The following STX7 variants were observed in gnomAD, a reference collection of about 807,000 sequenced individuals.
The protein encoded by STX7 is syntaxin 7.
Under a neutral mutation model 39.6 loss-of-function variants are expected in STX7, and 34 were observed. The observed-to-expected ratio is 0.86, with a 90% CI of 0.65 to 1.14. The LOEUF is 1.14. Ranked by LOEUF, STX7 falls within the 50% of genes most tolerant of loss-of-function variation. STX7 has a pLI of 0.00. For missense variants in STX7, 284 were observed against 310.4 expected (o/e 0.92, Z 0.64); for synonymous variants, 119 against 99.1 (o/e 1.20, Z -1.19).
At position 132,460,720 on chromosome 6, in the gene STX7, T is replaced by G. The variant is rs749549529; in HGVS notation, c.*38A>C. 1 of 1,400,656 alleles carries G rather than the reference T, an allele frequency of 7.1e-7. No individual in the cohort carries two copies. Among genetic ancestry groups the G allele is most frequent in the Non-Finnish European group, 1.0e-6 (1 of 1,001,776 alleles). The allele number at this position is 1,400,656 out of a possible 1,614,324, so 86.8% of individuals were successfully genotyped here. The stretch of plus-strand genomic sequence containing the variant: ...GATTACAGGAATCTTCCTACATAAT[T>G]TAGACAATGTAGTGCGACAGTGTGC... On this transcript the variant is annotated 3_prime_UTR_variant, in exon 10 of 10. Coordinates refer to ENST00000367941, the MANE Select transcript of STX7 (RefSeq NM_003569.3).
At chr6:132,479,925 T>C (rs893035922) in intron 2 of STX7, among the ~76,000 whole-genome samples, 3 of 152,198 alleles carry the variant, frequency 2.0e-5, no homozygotes, top group South Asian at 2.1e-4. Flanking sequence ...AAATAAAAAG[T>C]AAACTAGTGA....
chr6:132,460,164 CAGAA>C lies in STX7; in HGVS notation c.*590_*593del, dbSNP rs1278812569. On this transcript the variant is annotated 3_prime_UTR_variant, in exon 10 of 10. Transcript: ENST00000367941. The stretch of plus-strand genomic sequence containing the variant: ...CTACAGCAAAAGCTTAATATATACA[CAGAA>C]AGAGTATCAAATAAACTAGAAAAGT... 1 of 152,100 alleles carries C rather than the reference CAGAA, an allele frequency of 6.6e-6. No homozygotes were observed. The highest frequency in any genetic ancestry group is 1.9e-4 in the East Asian group (1 of 5,190). 9.4% of individuals were successfully genotyped at this position (152,100 alleles called of 1,614,324 possible). A position where few individuals can be genotyped will look rare whatever the true frequency, so the allele number is the denominator to read the frequency against.
chr6:132,477,859 A>G (rs1444734754), intron 2 of STX7, among the ~76,000 whole-genome samples: 1 of 152,228 alleles, frequency 6.6e-6, no homozygotes, highest in Non-Finnish European at 1.5e-5. Context: ...ACAGAACAAC[A>G]GCCCAGTAAA....
At chr6:132,507,415 AT>A (rs1437144076) in intron 1 of STX7, among the ~76,000 whole-genome samples, 2 of 152,188 alleles carry the variant, frequency 1.3e-5, no homozygotes, top group African/African-American at 4.8e-5. Flanking sequence ...CTTTTAGAAC[AT>A]TTCTATTACG....
At chr6:132,463,689 G>C (rs1330696227) in intron 9 of STX7, among the ~76,000 whole-genome samples, 2 of 152,124 alleles carry the variant, frequency 1.3e-5, no homozygotes, top group Non-Finnish European at 2.9e-5. Flanking sequence ...TTTCTGGGTA[G>C]AAATGTCACA....
Position 132,494,494 on chromosome 6 carries a change from C to T in STX7, c.85+8952G>A, listed in dbSNP as rs73551852. Among the ~76,000 whole-genome samples the T allele has an allele frequency of 8.9e-3, 1,356 of 152,194 alleles. 19 individuals are homozygous for T. Among genetic ancestry groups the T allele is most frequent in the African/African-American group, 0.031 (1,267 of 41,530 alleles). The stretch of plus-strand genomic sequence containing the variant: ...AAGCAAAATGATAAGGCAGGGAAGA[C>T]ATTGCTAAACAAGTGAGCTTTGGGC... On this transcript the variant is annotated intron_variant, in intron 2 of 9. Coordinates refer to ENST00000367941, the MANE Select transcript of STX7 (RefSeq NM_003569.3).
intron 4 of STX7, 142 bp from the exon 5 acceptor site, chr6:132,471,742 T>TA: frequency 3.3e-6 from 3 of 907,666 alleles, no homozygotes; most frequent in Non-Finnish European, 4.9e-6. Flanking sequence ...TCAGTAACAT[T>TA]CTGATAGTAT....
chr6:132,467,764 T>G (rs576095676), intron 8 of STX7, among the ~76,000 whole-genome samples: 1 of 152,330 alleles, frequency 6.6e-6, no homozygotes, highest in African/African-American at 2.4e-5. Context: ...AAAGCATCTT[T>G]AGACATACCA....
In STX7 at chr6:132,458,185, A is replaced by G. The variant is rs1774294840; in HGVS notation, c.*2573T>C. On this transcript the variant is annotated 3_prime_UTR_variant, in exon 10 of 10. Coordinates refer to ENST00000367941, the MANE Select transcript of STX7 (RefSeq NM_003569.3). Reference sequence around the variant, plus strand: ...GAAGACACTAAATAACCCAGTGGCGACCTCTTCAAAGTGCAGTGTCCTTGG... The same window carrying G: ...GAAGACACTAAATAACCCAGTGGCGGCCTCTTCAAAGTGCAGTGTCCTTGG... 6.6e-6 allele frequency: 1 copy of G among 152,156 alleles called. No homozygotes were observed. The highest frequency in any genetic ancestry group is 1.5e-5 in the Non-Finnish European group (1 of 68,034). 9.4% of individuals were successfully genotyped at this position (152,156 alleles called of 1,614,324 possible).
In STX7 at chr6:132,498,064, G is replaced by GCC. The variant is rs142744317; in HGVS notation, c.85+5380_85+5381dup. 8.2e-3 allele frequency among the ~76,000 whole-genome samples: 1,247 copies of GCC among 152,308 alleles called. 17 individuals carry two copies. The highest frequency in any genetic ancestry group is 0.029 in the African/African-American group (1,198 of 41,578). On this transcript the variant is annotated intron_variant, in intron 2 of 9. Transcript: ENST00000367941. Reference sequence around the variant, plus strand: ...GCCAGCAACAGAGAATACTGTCTATGCCATGGGTAAAAGATGGAGCATGGG... The same window carrying GCC: ...GCCAGCAACAGAGAATACTGTCTATGCCCCATGGGTAAAAGATGGAGCATGGG...
chr6:132,503,344 C>G, intron 2 of STX7, 102 bp downstream of exon 2: 2 of 935,552 alleles, frequency 2.1e-6, no homozygotes, highest in Non-Finnish European at 3.4e-6. Flanking sequence ...TAGAGGAATG[C>G]TCCTCCCTCT....
rs532056141 is a variant in STX7 at position 132,501,030 on chromosome 6, A to G, written c.85+2416T>C. On this transcript the variant is annotated intron_variant, in intron 2 of 9. Coordinates refer to ENST00000367941, the MANE Select transcript of STX7 (RefSeq NM_003569.3). ...GTGATTCAAACATCTGCAGATGGTG[A>G]CTGTACCTTCACCTGCATGAACAGT... 5.3e-5 allele frequency among the ~76,000 whole-genome samples: 8 copies of G among 150,872 alleles called. No individual in the cohort carries two copies. The East Asian group carries it at 1.6e-3, about 29-fold the overall frequency.
intron 3 of STX7, among the ~76,000 whole-genome samples, chr6:132,473,307 G>C (rs1168208311): frequency 6.6e-6 from 1 of 152,152 alleles, no homozygotes. Flanking sequence ...CTCAGTATCT[G>C]CAGATTGGTT....
chr6:132,503,645 C>T (rs989273486), intron 1 of STX7, 57 bp from the exon 2 acceptor site: 3 of 717,782 alleles, frequency 4.2e-6, no homozygotes, highest in African/African-American at 3.6e-5. Flanking sequence ...TTACATTTTC[C>T]AAATTAACAA....
chr6:132,483,284 C>T (rs182131257), intron 2 of STX7, among the ~76,000 whole-genome samples: 9 of 152,228 alleles, frequency 5.9e-5, no homozygotes, highest in Admixed American at 1.3e-4. Context: ...CTTACAATAC[C>T]TAATATATAA....
At chr6:132,487,929 T>C (rs1185815605) in intron 2 of STX7, among the ~76,000 whole-genome samples, 1 of 152,186 alleles carries the variant, frequency 6.6e-6, no homozygotes, top group African/African-American at 2.4e-5. Context: ...TTTCCTTTGT[T>C]CTGCTGACTT....
At chr6:132,480,398 T>C (rs562840029) in intron 2 of STX7, among the ~76,000 whole-genome samples, 1 of 152,260 alleles carries the variant, frequency 6.6e-6, no homozygotes, top group East Asian at 1.9e-4. Flanking sequence ...GAAACTTGGA[T>C]TTGGGAAGTA....
rs1454811653 is a variant in STX7 at position 132,446,309 on chromosome 6, G to A, written c.*14449C>T. 6.6e-6 allele frequency: 1 copy of A among 152,124 alleles called. No individual in the cohort carries two copies. The highest frequency in any genetic ancestry group is 2.4e-5 in the African/African-American group (1 of 41,418). The allele number at this position is 152,124 out of a possible 1,614,324, so 9.4% of individuals were successfully genotyped here. A position where few individuals can be genotyped will look rare whatever the true frequency, so the allele number is the denominator to read the frequency against. Reference sequence around the variant, plus strand: ...ACTTGGTCTGAACACAGAGTCACTTGTGTTTCTGAAGCCTCTCTGCATCAA... The same window carrying A: ...ACTTGGTCTGAACACAGAGTCACTTATGTTTCTGAAGCCTCTCTGCATCAA... On this transcript the variant is annotated 3_prime_UTR_variant, in exon 10 of 10. Coordinates refer to ENST00000367941, the MANE Select transcript of STX7 (RefSeq NM_003569.3).
intron 1 of STX7, among the ~76,000 whole-genome samples, chr6:132,505,759 A>AAAAC (rs1775688983): frequency 2.0e-5 from 3 of 150,248 alleles, no homozygotes; most frequent in African/African-American, 7.4e-5. Context: ...AAAAAAAAAA[A>AAAAC]AAAAACACAG....
Sources: allele counts gnomAD v4.1 joint callset (sites outside exome capture counted in the v4.1 genomes callset), GRCh38; gene constraint gnomAD v4.1.1; transcripts MANE v1.5; gene names NCBI Gene and HGNC (gene_info 2026-07-23, HGNC 2026-07-21).